Variants in KLHL29 observed in about 807,000 individuals in gnomAD.
KLHL29 encodes kelch-like protein 29.
A neutral mutation model predicts 80.4 loss-of-function variants in KLHL29; 21 were observed. The ratio of observed to expected loss-of-function variants is 0.26; its 90% CI spans 0.19 to 0.38. The LOEUF (loss-of-function observed/expected upper bound fraction) is 0.38, where lower values mean the gene tolerates loss of function less well. Among genes scored for constraint, KLHL29 ranks in the 10% least tolerant of loss-of-function variants. KLHL29 has a pLI of 1.00. For synonymous variants in KLHL29, 511 were observed against 526.8 expected, an observed-to-expected ratio of 0.97 and a Z score of 0.41; for missense variants, 867 against 1,223.9, an observed-to-expected ratio of 0.71 and a Z score of 4.35.
At chr2:23,637,974 C>T (rs776169413) in intron 3 of KLHL29, among the ~76,000 whole-genome samples, 4 of 151,796 alleles carry the variant, frequency 2.6e-5, no homozygotes, top group Non-Finnish European at 4.4e-5. Flanking sequence ...TGACTCTTCC[C>T]GGGGCCACCT....
chr2:23,657,110 C>A (rs1418705066), intron 5 of KLHL29, among the ~76,000 whole-genome samples: 1 of 152,042 alleles, frequency 6.6e-6, no homozygotes, highest in East Asian at 1.9e-4. Flanking sequence ...TCTGAGGACA[C>A]CCCTTACTCC....
chr2:23,577,016 C>G (rs576514244), intron 3 of KLHL29, among the ~76,000 whole-genome samples: 3 of 152,226 alleles, frequency 2.0e-5, no homozygotes, highest in Admixed American at 6.5e-5. Flanking sequence ...GCTGTCCTGT[C>G]CTGAAGGACT....
At chr2:23,461,987 T>TTTTTTTTTTTTTTTTTA (rs1255962353) in intron 1 of KLHL29, among the ~76,000 whole-genome samples, 3 of 150,778 alleles carry the variant, frequency 2.0e-5, no homozygotes, top group African/African-American at 7.4e-5. Flanking sequence ...TTTTTTTTTT[T>TTTTTTTTTTTTTTTTTA]TTAATGACAA....
chr2:23,610,262 GC>G (rs1327677032), intron 3 of KLHL29, among the ~76,000 whole-genome samples: 1 of 152,214 alleles, frequency 6.6e-6, no homozygotes, highest in Non-Finnish European at 1.5e-5. Context: ...ACTCTTGCTG[GC>G]CTCTCGGTAC....
intron 2 of KLHL29, among the ~76,000 whole-genome samples, chr2:23,512,049 C>T (rs559361748): frequency 1.5e-4 from 23 of 152,282 alleles, no homozygotes; most frequent in Admixed American, 3.3e-4. Context: ...TGACGGAACC[C>T]GCAGTGGATG....
chr2:23,531,951 G>T (rs571480097), intron 2 of KLHL29, among the ~76,000 whole-genome samples: 3 of 152,142 alleles, frequency 2.0e-5, no homozygotes, highest in Non-Finnish European at 4.4e-5. Flanking sequence ...GAACCAAGTC[G>T]CCACGACTCC....
chr2:23,449,819 G>A (rs1663818119), intron 1 of KLHL29, among the ~76,000 whole-genome samples: 1 of 152,110 alleles, frequency 6.6e-6, no homozygotes, highest in East Asian at 1.9e-4. Context: ...GCATAGCTTG[G>A]ATGAGAGGCG....
intron 4 of KLHL29, among the ~76,000 whole-genome samples, chr2:23,641,307 G>T (rs995212521): frequency 2.6e-5 from 4 of 152,194 alleles, no homozygotes; most frequent in Non-Finnish European, 4.4e-5. Flanking sequence ...GGGTTCTCTT[G>T]TTTCCCCCAG....
At chr2:23,587,081 C>A (rs554673026) in intron 3 of KLHL29, among the ~76,000 whole-genome samples, 1 of 152,130 alleles carries the variant, frequency 6.6e-6, no homozygotes, top group South Asian at 2.1e-4. Context: ...GAAGAACAGG[C>A]CTTTCATGTC....
At chr2:23,502,496 G>A (rs1425723053) in intron 2 of KLHL29, among the ~76,000 whole-genome samples, 1 of 152,346 alleles carries the variant, frequency 6.6e-6, no homozygotes, top group Non-Finnish European at 1.5e-5. Flanking sequence ...GGCCCCTAAG[G>A]GGGAGGACAC....
intron 1 of KLHL29, among the ~76,000 whole-genome samples, chr2:23,440,481 A>C (rs1053950938): frequency 6.6e-6 from 1 of 152,196 alleles, no homozygotes; most frequent in Non-Finnish European, 1.5e-5. Context: ...GACAAATGGG[A>C]TCTAATTAAA....
chr2:23,581,426 A>G (rs1667977558), intron 3 of KLHL29, among the ~76,000 whole-genome samples: 1 of 152,182 alleles, frequency 6.6e-6, no homozygotes, highest in African/African-American at 2.4e-5. Flanking sequence ...CCTAATGTCA[A>G]TGACTCCACT....
chr2:23,519,888 C>T (rs760564418), intron 2 of KLHL29, among the ~76,000 whole-genome samples: 7 of 102,352 alleles, frequency 6.8e-5, no homozygotes, highest in Non-Finnish European at 1.5e-4. Context: ...TTAGCCTTTC[C>T]AAAGGAGGCA....
chr2:23,486,357 T>C (rs954085186), intron 2 of KLHL29, among the ~76,000 whole-genome samples: 1 of 151,784 alleles, frequency 6.6e-6, no homozygotes, highest in African/African-American at 2.4e-5. Context: ...ATGCTGGGGC[T>C]TATCCCTCCC....
intron 1 of KLHL29, among the ~76,000 whole-genome samples, chr2:23,421,434 G>C (rs6747715): frequency 0.029 from 4,413 of 152,232 alleles, 221 homozygotes; most frequent in African/African-American, 0.1. Flanking sequence ...CTCTTTTGGG[G>C]TGGCTGCTCC....
rs191630671 is a variant in KLHL29 at position 23,520,779 on chromosome 2, T to C, written c.-45-41373T>C. Among the ~76,000 whole-genome samples the C allele has an allele frequency of 5.3e-5, 8 of 152,358 alleles. No individual in the cohort carries two copies. The East Asian group carries it at 1.2e-3, about 22-fold the overall frequency. ...TCTTAGTACAACACAAATCTCATTATAGGAATTTCAGTATTTTAACAAAAG... is the reference window on the plus strand; with the variant it reads ...TCTTAGTACAACACAAATCTCATTACAGGAATTTCAGTATTTTAACAAAAG... On this transcript the variant is annotated intron_variant, in intron 2 of 13. Coordinates refer to ENST00000486442, the MANE Select transcript of KLHL29 (RefSeq NM_052920.2).
At chr2:23,392,059 G>C (rs1225043280) in intron 1 of KLHL29, among the ~76,000 whole-genome samples, 1 of 152,172 alleles carries the variant, frequency 6.6e-6, no homozygotes, top group Admixed American at 6.5e-5. Context: ...TTTCTTTTAT[G>C]AAATTGGAAG....
intron 1 of KLHL29, among the ~76,000 whole-genome samples, chr2:23,404,806 G>A (rs1356127370): frequency 2.0e-5 from 3 of 152,158 alleles, no homozygotes; most frequent in African/African-American, 7.2e-5. Flanking sequence ...AATGACTGGG[G>A]ACCAAAGGAA....
chr2:23,572,234 T>A (rs1205435551), intron 3 of KLHL29, among the ~76,000 whole-genome samples: 20 of 152,180 alleles, frequency 1.3e-4, no homozygotes, highest in Admixed American at 1.3e-3. Flanking sequence ...AACAGGAAGA[T>A]CTCTCATGCC....
Sources: gnomAD v4.1 joint callset for allele counts (sites outside exome capture counted in the v4.1 genomes callset) on GRCh38, gnomAD v4.1.1 for gene constraint, MANE v1.5 for transcripts, NCBI Gene and HGNC (gene_info 2026-07-23, HGNC 2026-07-21) for gene names.